ADGRB3: variants seen among roughly 807,000 people sequenced by gnomAD.
The protein encoded by ADGRB3 is brain-specific angiogenesis inhibitor 3.
Under a neutral mutation model 193.4 loss-of-function variants are expected in ADGRB3, and 37 were observed. The observed-to-expected ratio is 0.19, with a 90% confidence interval of 0.15 to 0.25. The LOEUF (loss-of-function observed/expected upper bound fraction) is 0.25, where lower values mean the gene tolerates loss of function less well. Ranked by LOEUF, ADGRB3 falls within the 10% of genes least tolerant of loss-of-function variation. The pLI is 1.00. For synonymous variants in ADGRB3, 690 were observed against 644.2 expected, an observed-to-expected ratio of 1.07 and a Z score of -1.08; for missense variants, 1,637 against 1,852.9, an observed-to-expected ratio of 0.88 and a Z score of 2.14.
chr6:69,072,592 G>A (rs1035080234), intron 16 of ADGRB3, among the ~76,000 whole-genome samples: 6 of 151,780 alleles, frequency 4.0e-5, no homozygotes, highest in South Asian at 2.1e-4. Flanking sequence ...CCTATAGTCC[G>A]TATCTTATAT....
At chr6:68,975,865 A>C (rs1422594846) in intron 10 of ADGRB3, among the ~76,000 whole-genome samples, 1 of 152,194 alleles carries the variant, frequency 6.6e-6, no homozygotes, top group Non-Finnish European at 1.5e-5. Context: ...TTTTCCAAAA[A>C]ATAGCTCTTC....
chr6:68,953,202 A>T (rs765092476), intron 6 of ADGRB3, among the ~76,000 whole-genome samples: 83 of 152,248 alleles, frequency 5.5e-4, no homozygotes, highest in Non-Finnish European at 9.9e-4. Context: ...TTTGCCAGAA[A>T]ACATATAACT....
chr6:69,295,513 T>G (rs1310702119), intron 20 of ADGRB3, among the ~76,000 whole-genome samples: 1 of 152,102 alleles, frequency 6.6e-6, no homozygotes, highest in Non-Finnish European at 1.5e-5. Flanking sequence ...AGGATATTGA[T>G]GGAAAGCACA....
chr6:68,910,016 C>A (rs1425384802), intron 3 of ADGRB3, among the ~76,000 whole-genome samples: 1 of 152,114 alleles, frequency 6.6e-6, no homozygotes, highest in Non-Finnish European at 1.5e-5. Context: ...GTTTACAGTC[C>A]CACCAACAGT....
chr6:68,836,595 G>A (rs1415070274), intron 3 of ADGRB3, among the ~76,000 whole-genome samples: 1 of 152,132 alleles, frequency 6.6e-6, no homozygotes, highest in African/African-American at 2.4e-5. Flanking sequence ...TGCAAGTATG[G>A]ATAGATGTTT....
At chr6:69,024,675 A>C in intron 13 of ADGRB3, among the ~76,000 whole-genome samples, 1 of 152,242 alleles carries the variant, frequency 6.6e-6, no homozygotes, top group Non-Finnish European at 1.5e-5. Flanking sequence ...AGATACAAGA[A>C]TCTAAAACAT....
intron 3 of ADGRB3, among the ~76,000 whole-genome samples, chr6:68,870,710 G>A (rs754931821): frequency 1.3e-5 from 2 of 152,168 alleles, no homozygotes; most frequent in Non-Finnish European, 2.9e-5. Context: ...CTGTGATTCA[G>A]AGCAAGTTAT....
chr6:69,347,096 C>G (rs1269291345), intron 26 of ADGRB3, among the ~76,000 whole-genome samples: 1 of 152,156 alleles, frequency 6.6e-6, no homozygotes, highest in East Asian at 1.9e-4. Flanking sequence ...TCTCAGCGAA[C>G]TAACACAGGG....
intron 16 of ADGRB3, among the ~76,000 whole-genome samples, chr6:69,065,349 G>C (rs1041213450): frequency 3.3e-5 from 5 of 152,164 alleles, no homozygotes; most frequent in Admixed American, 1.3e-4. Context: ...GGCTCCTCCA[G>C]TTACTGACCA....
intron 20 of ADGRB3, among the ~76,000 whole-genome samples, chr6:69,252,151 A>G (rs1766637787): frequency 2.0e-5 from 3 of 152,152 alleles, no homozygotes; most frequent in Admixed American, 2.0e-4. Context: ...AAATGAAATC[A>G]TAGCATGAGT....
At chr6:69,056,695 A>T (rs1166436888) in intron 15 of ADGRB3, among the ~76,000 whole-genome samples, 1 of 152,144 alleles carries the variant, frequency 6.6e-6, no homozygotes, top group Non-Finnish European at 1.5e-5. Context: ...TTTGTTGAAG[A>T]GATTATCCTT....
At chr6:69,310,087 A>G (rs1379649764) in intron 20 of ADGRB3, among the ~76,000 whole-genome samples, 2 of 151,764 alleles carry the variant, frequency 1.3e-5, no homozygotes, top group Non-Finnish European at 2.9e-5. Flanking sequence ...TTTAAACTGT[A>G]TAATTTAAAC....
chr6:69,278,672 G>A (rs1288094261), intron 20 of ADGRB3, among the ~76,000 whole-genome samples: 1 of 152,138 alleles, frequency 6.6e-6, no homozygotes, highest in Non-Finnish European at 1.5e-5. Flanking sequence ...ATTGTTTGCT[G>A]TAAGAACCAG....
At chr6:68,692,434 A>ATATT (rs1325020829) in intron 3 of ADGRB3, among the ~76,000 whole-genome samples, 6 of 151,916 alleles carry the variant, frequency 3.9e-5, no homozygotes, top group Non-Finnish European at 2.9e-5. Flanking sequence ...TGCTCAAAGT[A>ATATT]TATTTACTCT....
At chr6:69,339,571 A>C in intron 26 of ADGRB3, 67 bp downstream of exon 26, 1 of 1,475,626 alleles carries the variant, frequency 6.8e-7, no homozygotes, top group Non-Finnish European at 9.3e-7. Context: ...AAAAAGAATG[A>C]TCTTTTAATA....
intron 13 of ADGRB3, among the ~76,000 whole-genome samples, chr6:69,043,290 GAGAA>G (rs145178367): frequency 0.032 from 2,840 of 88,046 alleles, 113 homozygotes; most frequent in African/African-American, 0.12. Flanking sequence ...GGAAGAAAGA[GAGAA>G]AGAAAGAAAG....
At chr6:68,877,135 G>A (rs771972310) in intron 3 of ADGRB3, among the ~76,000 whole-genome samples, 1 of 151,734 alleles carries the variant, frequency 6.6e-6, no homozygotes, top group Non-Finnish European at 1.5e-5. Context: ...ATTACTTAAT[G>A]GGTAGCCTTT....
intron 17 of ADGRB3, among the ~76,000 whole-genome samples, chr6:69,103,043 G>A (rs1275196081): frequency 6.6e-6 from 1 of 152,002 alleles, no homozygotes; most frequent in Non-Finnish European, 1.5e-5. Context: ...ACTATGCTTG[G>A]AATGAACTTG....
At chr6:69,043,519 A>G (rs1771149853) in intron 13 of ADGRB3, among the ~76,000 whole-genome samples, 1 of 152,206 alleles carries the variant, frequency 6.6e-6, no homozygotes, top group African/African-American at 2.4e-5. Flanking sequence ...CCAAAAAATA[A>G]TGTATGCTAC....
Sources: allele counts gnomAD v4.1 joint callset (sites outside exome capture counted in the v4.1 genomes callset), GRCh38; gene constraint gnomAD v4.1.1; transcripts MANE v1.5; gene names NCBI Gene and HGNC (gene_info 2026-07-23, HGNC 2026-07-21).